EFR3A: variants seen among roughly 807,000 people sequenced by gnomAD.
The protein encoded by EFR3A is EFR3 homolog A.
Under a neutral mutation model 104.4 loss-of-function variants are expected in EFR3A, and 76 were observed. The ratio of observed to expected loss-of-function variants is 0.73; its 90% CI spans 0.60 to 0.88. The LOEUF is 0.88. EFR3A is among the 40% of genes least tolerant of loss of function. EFR3A has a pLI of 0.00. For missense variants in EFR3A, 985 were observed against 1,012.5 expected, an observed-to-expected ratio of 0.97 and a Z score of 0.37; for synonymous variants, 330 against 330.0, an observed-to-expected ratio of 1.00 and a Z score of 0.00.
In EFR3A at chr8:131,985,127, G is replaced by T. The variant is rs151305285; in HGVS notation, c.1869+67G>T. ...AAATTGCTAATTTTATTCCAGTGATGATTATTTTTAACTTTGGTGATTACG... is the reference window on the plus strand; with the variant it reads ...AAATTGCTAATTTTATTCCAGTGATTATTATTTTTAACTTTGGTGATTACG... On this transcript the variant is annotated intron_variant, in intron 16 of 22. Transcript: ENST00000254624. 4.1e-6 allele frequency: 6 copies of T among 1,475,220 alleles called. No homozygotes were observed. In the African/African-American group the frequency reaches 4.2e-5, roughly 10 times the overall value. The allele number at this position is 1,475,220 out of a possible 1,614,324, so 91.4% of individuals were successfully genotyped here. A position where few individuals can be genotyped will look rare whatever the true frequency, so the allele number is the denominator to read the frequency against.
intron 2 of EFR3A, among the ~76,000 whole-genome samples, chr8:131,941,171 T>A (rs1818154010): frequency 6.6e-6 from 1 of 152,062 alleles, no homozygotes; most frequent in African/African-American, 2.4e-5. Flanking sequence ...AAAGAAAGAT[T>A]GTTTCAGGCA....
intron 4 of EFR3A, among the ~76,000 whole-genome samples, chr8:131,948,757 TAAATG>T (rs1489921379): frequency 6.6e-6 from 1 of 152,144 alleles, no homozygotes; most frequent in Non-Finnish European, 1.5e-5. Flanking sequence ...TGAATTTTAT[TAAATG>T]AAATGCCATG....
intron 5 of EFR3A, among the ~76,000 whole-genome samples, chr8:131,950,978 A>G (rs972452341): frequency 6.6e-6 from 1 of 152,178 alleles, no homozygotes; most frequent in Non-Finnish European, 1.5e-5. Context: ...AAGTAATTGG[A>G]GCATTACTAT....
chr8:132,008,876 A>G (rs912173719), intron 22 of EFR3A, among the ~76,000 whole-genome samples: 4 of 147,832 alleles, frequency 2.7e-5, no homozygotes, highest in Admixed American at 6.8e-5. Context: ...AAAAAAAAAG[A>G]AAGTGTTCAT....
At chr8:132,006,028 C>T (rs1029714441) in intron 22 of EFR3A, among the ~76,000 whole-genome samples, 5 of 151,882 alleles carry the variant, frequency 3.3e-5, no homozygotes, top group African/African-American at 7.3e-5. Flanking sequence ...AATGACAGGA[C>T]GAATTAGAAA....
chr8:132,002,109 A>G (rs1001572198), intron 20 of EFR3A, among the ~76,000 whole-genome samples: 1 of 152,198 alleles, frequency 6.6e-6, no homozygotes, highest in Admixed American at 6.5e-5. Flanking sequence ...GACCAAGAAA[A>G]TTCCTTTCCA....
intron 1 of EFR3A, among the ~76,000 whole-genome samples, chr8:131,909,495 A>G (rs1045924795): frequency 3.3e-5 from 5 of 152,026 alleles, no homozygotes; most frequent in Admixed American, 1.3e-4. Flanking sequence ...GCAGTGAGCT[A>G]TGGTCTCACT....
chr8:131,979,057 T>G, intron 13 of EFR3A, 38 bp downstream of exon 13: 1 of 1,542,614 alleles, frequency 6.5e-7, no homozygotes, highest in Non-Finnish European at 8.8e-7. Context: ...ATGATAATGT[T>G]TTTAAATTGC....
chr8:131,975,618 G>A (rs567939123), intron 10 of EFR3A, among the ~76,000 whole-genome samples: 10 of 152,034 alleles, frequency 6.6e-5, no homozygotes, highest in African/African-American at 2.4e-4. Context: ...GTTTCACCAT[G>A]TTGGTCCGGC....
intron 7 of EFR3A, among the ~76,000 whole-genome samples, chr8:131,957,717 T>G (rs1319898047): frequency 1.3e-5 from 2 of 152,182 alleles, no homozygotes; most frequent in African/African-American, 4.8e-5. Context: ...GTATTTTATT[T>G]GTAAAGAATG....
Position 132,006,550 on chromosome 8 carries a change from T to TTTAA in EFR3A, c.2360+3265_2360+3266insTTAA, listed in dbSNP as rs573144374. Among the ~76,000 whole-genome samples the TTTAA allele has an allele frequency of 7.9e-5, 12 of 152,166 alleles. No individual in the cohort carries two copies. In the East Asian group the frequency reaches 2.1e-3, roughly 27 times the overall value. ...GAAATAGATTTGCAGTTTAAAAGCA[T>TTTAA]CCTACAAGAAAATGCATTTAACTTC... On this transcript the variant is annotated intron_variant, in intron 22 of 22. Transcript: ENST00000254624.
intron 21 of EFR3A, 55 bp downstream of exon 21, chr8:132,002,761 C>A (rs1490817408): frequency 1.4e-6 from 2 of 1,405,626 alleles, no homozygotes; most frequent in East Asian, 2.3e-5. Flanking sequence ...TGTGGAAACT[C>A]TTCCTTGGTG....
intron 1 of EFR3A, chr8:131,924,071 T>G: frequency 2.3e-6 from 1 of 426,140 alleles, no homozygotes; most frequent in Non-Finnish European, 4.7e-6. Context: ...TAAGACCTGC[T>G]GTTTAGATAT....
chr8:131,987,530 C>T lies in EFR3A; in HGVS notation c.1938-45C>T, dbSNP rs756118154. On this transcript the variant is annotated intron_variant, in intron 17 of 22. Transcript: ENST00000254624. ...TTTTGCATAGTAACTTATTTTTGCTCAGTAATTTAATACTGAATGATTGTT... is the reference window on the plus strand; with the variant it reads ...TTTTGCATAGTAACTTATTTTTGCTTAGTAATTTAATACTGAATGATTGTT... The T allele has an allele frequency of 7.2e-6, 11 of 1,537,348 alleles. 1 individual carries two copies. Among genetic ancestry groups the T allele is most frequent in the Middle Eastern group, 3.4e-4 (2 of 5,846 alleles).
At position 131,962,601 on chromosome 8, in the gene EFR3A, A is replaced by G. The variant is rs541756853; in HGVS notation, c.855+2938A>G. 5.3e-5 allele frequency among the ~76,000 whole-genome samples: 8 copies of G among 152,286 alleles called. No homozygotes were observed. The South Asian group carries it at 1.5e-3, about 28-fold the overall frequency. ...AGAAAGAGACGTAGACTCCCACACA[A>G]TAGTAGTGGGAGACTTTAACACCCC... is the stretch of plus-strand genomic sequence containing the variant. On this transcript the variant is annotated intron_variant, in intron 8 of 22. Coordinates refer to ENST00000254624, the MANE Select transcript of EFR3A (RefSeq NM_015137.6).
chr8:131,929,228 A>G (rs1272754955), intron 1 of EFR3A, among the ~76,000 whole-genome samples: 1 of 152,148 alleles, frequency 6.6e-6, no homozygotes, highest in Non-Finnish European at 1.5e-5. Context: ...CAGTGACACT[A>G]GCATCCAACC....
chr8:131,949,981 G>T lies in EFR3A; in HGVS notation c.379G>T (p.Ala127Ser). 6.3e-7 allele frequency: 1 copy of T among 1,592,744 alleles called. No homozygotes were observed. Among genetic ancestry groups the T allele is most frequent in the Non-Finnish European group, 8.5e-7 (1 of 1,172,320 alleles). The change falls in exon 5 of 23, where the codon GCA (alanine) becomes TCA (serine). Residue 127 changes from alanine to serine, a missense_variant. Transcript: ENST00000254624. The stretch of plus-strand genomic sequence containing the variant: ...TTGTGTTTTTTAGTTTGTCAAATTT[G>T]CAAATATTGAAGAAGACACACCATC... ...VLGTNSFVKF[A>S]NIEEDTPSYH... is the part of the protein sequence containing the mutation.
intron 14 of EFR3A, among the ~76,000 whole-genome samples, chr8:131,982,900 C>T (rs974771815): frequency 6.6e-6 from 1 of 152,094 alleles, no homozygotes; most frequent in African/African-American, 2.4e-5. Flanking sequence ...ATAACAACTT[C>T]AGAAATAAAG....
At chr8:131,987,763 C>T (rs2130766596) in intron 18 of EFR3A, 61 bp downstream of exon 18, 1 of 1,499,782 alleles carries the variant, frequency 6.7e-7, no homozygotes, top group East Asian at 2.5e-5. Context: ...GTAAATTTTT[C>T]ATTACCCAGT....
Sources: gnomAD v4.1 joint callset for allele counts (sites outside exome capture counted in the v4.1 genomes callset) on GRCh38, gnomAD v4.1.1 for gene constraint, MANE v1.5 for transcripts, NCBI Gene and HGNC (gene_info 2026-07-23, HGNC 2026-07-21) for gene names.